Variants in PTPRB observed in about 807,000 individuals in gnomAD.
PTPRB encodes receptor-type tyrosine-protein phosphatase beta.
Under a neutral mutation model 238.1 loss-of-function variants are expected in PTPRB, and 97 were observed. The ratio of observed to expected loss-of-function variants is 0.41; its 90% CI spans 0.35 to 0.48. The LOEUF is 0.48. PTPRB is among the 20% of genes least tolerant of loss of function. The pLI, the probability that PTPRB is intolerant of heterozygous loss-of-function variation, is 0.30. For synonymous variants in PTPRB, 970 were observed against 995.4 expected (o/e 0.97, Z 0.48); for missense variants, 2,292 against 2,681.9 (o/e 0.85, Z 3.21).
Position 70,622,791 on chromosome 12 carries a change from TTGAG to T in PTPRB, c.452-149_452-146del, listed in dbSNP as rs1845996724. On this transcript the variant is annotated intron_variant, in intron 2 of 33. Coordinates refer to ENST00000334414, the MANE Select transcript of PTPRB (RefSeq NM_001109754.4). Reference sequence around the variant, plus strand: ...AGTTATATGAAAAAGCAAATATACTTTGAGTGTGTGACAATGTTCATTTGTCCTG... The same window carrying T: ...AGTTATATGAAAAAGCAAATATACTTTGTGTGACAATGTTCATTTGTCCTG... 1.2e-4 allele frequency: 120 copies of T among 966,512 alleles called. No individual in the cohort carries two copies. In the South Asian group the frequency reaches 2.0e-3, roughly 16 times the overall value. The allele number at this position is 966,512 out of a possible 1,614,324, so 59.9% of individuals were successfully genotyped here. A position where few individuals can be genotyped will look rare whatever the true frequency, so the allele number is the denominator to read the frequency against.
chr12:70,538,921 T>C lies in PTPRB; in HGVS notation c.5869+3A>G, dbSNP rs1400914160. On this transcript the variant is annotated splice_donor_region_variant and intron_variant, in intron 27 of 33. Transcript: ENST00000334414. Reference sequence around the variant, plus strand: ...GTATTACAAATTTTGACACAAAACTTACAGGGCAATATATTGTTGTATCGA... The same window carrying C: ...GTATTACAAATTTTGACACAAAACTCACAGGGCAATATATTGTTGTATCGA... 1.2e-6 allele frequency: 2 copies of C among 1,609,726 alleles called. No individual in the cohort carries two copies. Among genetic ancestry groups the C allele is most frequent in the African/African-American group, 2.7e-5 (2 of 74,980 alleles).
At chr12:70,606,199 C>A (rs1033268614) in intron 4 of PTPRB, among the ~76,000 whole-genome samples, 2 of 152,182 alleles carry the variant, frequency 1.3e-5, no homozygotes, top group South Asian at 4.1e-4. Context: ...GGTCAGGAAC[C>A]ACTTTTTGTT....
rs920236453 is a variant in PTPRB at position 70,555,889 on chromosome 12, G to A, written c.4974C>T (p.Ser1658=). The change falls in exon 19 of 34, where the codon AGC becomes AGT. Residue 1658 remains serine (S), a synonymous_variant. Coordinates refer to ENST00000334414, the MANE Select transcript of PTPRB (RefSeq NM_001109754.4). ...AGMTSEVVED[S]TITMIDRPPP... ...ACTTACGGTCTATCATTGTGATAGT[G>A]CTGTCTTCAACCACCTCGCTGGTCA... The A allele has an allele frequency of 3.7e-6, 6 of 1,612,650 alleles. No homozygotes were observed. The African/African-American group carries it at 8.0e-5, about 22-fold the overall frequency.
intron 2 of PTPRB, among the ~76,000 whole-genome samples, chr12:70,623,509 T>G (rs898678810): frequency 6.6e-6 from 1 of 152,170 alleles, no homozygotes. Flanking sequence ...GTTGCTGGTT[T>G]TTGGGCTGCA....
chr12:70,582,626 AC>A lies in PTPRB; in HGVS notation c.2312-1325del, dbSNP rs533450515. Among the ~76,000 whole-genome samples, 1,151 of 152,248 alleles carry A rather than the reference AC, an allele frequency of 7.6e-3. 13 individuals carry two copies. The highest frequency in any genetic ancestry group is 0.026 in the African/African-American group (1,075 of 41,572). On this transcript the variant is annotated intron_variant, in intron 9 of 33. Transcript: ENST00000334414. Reference sequence around the variant, plus strand: ...CAGATGTCTATATGCAAAGAAAAAAACCTTCACCTATATCTCACATCATATA... The same window carrying A: ...CAGATGTCTATATGCAAAGAAAAAAACTTCACCTATATCTCACATCATATA...
At chr12:70,525,369 G>A (rs1872273840) in intron 32 of PTPRB, 1 of 151,966 alleles carries the variant, frequency 6.6e-6, no homozygotes. Flanking sequence ...GGAAGATAGT[G>A]AAAAAAAGGA....
At chr12:70,589,269 C>T (rs1023593308) in intron 8 of PTPRB, among the ~76,000 whole-genome samples, 25 of 152,126 alleles carry the variant, frequency 1.6e-4, no homozygotes, top group African/African-American at 5.8e-4. Flanking sequence ...AACAGTGAAT[C>T]CATGTAGTTA....
intron 18 of PTPRB, chr12:70,558,748 T>C (rs1878063593): frequency 6.3e-6 from 1 of 157,614 alleles, no homozygotes; most frequent in African/African-American, 2.4e-5. Flanking sequence ...TCTGCTGAAA[T>C]TGAGTGGCTC....
intron 28 of PTPRB, 68 bp from the exon 29 acceptor site, chr12:70,536,227 C>A (rs951495312): frequency 3.3e-6 from 5 of 1,522,568 alleles, no homozygotes; most frequent in African/African-American, 1.4e-5. Context: ...ACAAAGAGTT[C>A]TTCAGATTAG....
intron 6 of PTPRB, among the ~76,000 whole-genome samples, chr12:70,593,248 C>T (rs1027395150): frequency 3.3e-5 from 5 of 152,182 alleles, no homozygotes; most frequent in Non-Finnish European, 7.3e-5. Flanking sequence ...AGCAGTGGCT[C>T]ATGCCTGTAA....
intron 16 of PTPRB, 67 bp from the exon 17 acceptor site, chr12:70,561,001 G>A (rs1055058743): frequency 4.7e-6 from 7 of 1,483,776 alleles, no homozygotes; most frequent in Non-Finnish European, 6.5e-6. Flanking sequence ...CCACAGGTGA[G>A]AGTATATGCT....
chr12:70,559,683 A>T, intron 17 of PTPRB, 59 bp from the exon 18 acceptor site: 1 of 1,462,618 alleles, frequency 6.8e-7, no homozygotes, highest in African/African-American at 1.4e-5. Context: ...ACATATACAA[A>T]TAAGATAGCT....
At chr12:70,632,794 C>T (rs1885514286) in intron 2 of PTPRB, among the ~76,000 whole-genome samples, 1 of 152,122 alleles carries the variant, frequency 6.6e-6, no homozygotes. Context: ...TACAATACCT[C>T]ATTTAGTCAG....
intron 3 of PTPRB, among the ~76,000 whole-genome samples, chr12:70,615,406 C>T (rs1449186975): frequency 6.6e-6 from 1 of 152,196 alleles, no homozygotes; most frequent in East Asian, 1.9e-4. Flanking sequence ...TCTCTAACAG[C>T]AGGCTCCACT....
intron 3 of PTPRB, among the ~76,000 whole-genome samples, chr12:70,616,877 T>C (rs1470868036): frequency 1.3e-5 from 2 of 152,214 alleles, no homozygotes; most frequent in African/African-American, 4.8e-5. Context: ...TCCCTCAGTA[T>C]GGGGGTGGAT....
At chr12:70,618,786 C>T (rs899182848) in intron 3 of PTPRB, among the ~76,000 whole-genome samples, 1 of 152,178 alleles carries the variant, frequency 6.6e-6, no homozygotes, top group African/African-American at 2.4e-5. Flanking sequence ...ACAATGGCAG[C>T]TAAAATTAAT....
In PTPRB at chr12:70,580,724, C is replaced by A. The variant is rs1881286709; in HGVS notation, c.2578+312G>T. On this transcript the variant is annotated intron_variant, in intron 10 of 33. Coordinates refer to ENST00000334414, the MANE Select transcript of PTPRB (RefSeq NM_001109754.4). Reference sequence around the variant, plus strand: ...ATCCCAGCTACTCGGGAGACTGAGGCAGGAGAATTGCTGAACCCAGGAGGC... The same window carrying A: ...ATCCCAGCTACTCGGGAGACTGAGGAAGGAGAATTGCTGAACCCAGGAGGC... 2.0e-5 allele frequency among the ~76,000 whole-genome samples: 3 copies of A among 151,466 alleles called. No individual in the cohort carries two copies. The East Asian group carries it at 5.8e-4, about 29-fold the overall frequency.
chr12:70,538,438 T>C (rs1272620753), intron 27 of PTPRB: 3 of 530,662 alleles, frequency 5.7e-6, no homozygotes, highest in East Asian at 3.0e-5. Context: ...GGAGACAACA[T>C]GAAGCCCCAT....
chr12:70,563,338 C>T (rs57005783), intron 15 of PTPRB, among the ~76,000 whole-genome samples: 9,929 of 152,192 alleles, frequency 0.065, 841 homozygotes, highest in African/African-American at 0.2. Flanking sequence ...TGCTAGCAAC[C>T]ACCTCCTTGC....
Sources: allele counts gnomAD v4.1 joint callset (sites outside exome capture counted in the v4.1 genomes callset), GRCh38; gene constraint gnomAD v4.1.1; transcripts MANE v1.5; gene names NCBI Gene and HGNC (gene_info 2026-07-23, HGNC 2026-07-21).